Variants in PHLDB2 observed in about 807,000 individuals in gnomAD.
PHLDB2 encodes pleckstrin homology-like domain family B member 2.
Under a neutral mutation model 123.6 loss-of-function variants are expected in PHLDB2, and 71 were observed. The observed-to-expected ratio is 0.57, with a 90% confidence interval of 0.47 to 0.70. The LOEUF is 0.70. Ranked by LOEUF, PHLDB2 falls within the 30% of genes least tolerant of loss-of-function variation. The pLI is 0.00. For synonymous variants in PHLDB2, 547 were observed against 541.6 expected (o/e 1.01, Z -0.14); for missense variants, 1,446 against 1,519.5 (o/e 0.95, Z 0.80).
Position 111,959,434 on chromosome 3 carries a change from A to G in PHLDB2, c.2873-2674A>G, listed in dbSNP as rs1405814978. On this transcript the variant is annotated intron_variant, in intron 12 of 17. Transcript: ENST00000431670. ...TTTGGATTCATGGGAAATAAAAATC[A>G]TGGGTTGGGAAAAAGATGCTTATTA... is the stretch of plus-strand genomic sequence containing the variant. Among the ~76,000 whole-genome samples, 3 of 152,236 alleles carry G rather than the reference A, an allele frequency of 2.0e-5. No homozygotes were observed. The East Asian group carries it at 5.8e-4, about 29-fold the overall frequency.
rs3082325 is a variant in PHLDB2 at position 111,904,277 on chromosome 3, CA to C, written c.1336-9030del. Among the ~76,000 whole-genome samples the C allele has an allele frequency of 7.4e-4, 64 of 86,710 alleles. 2 individuals carry two copies. The highest frequency in any genetic ancestry group is 3.1e-3 in the Admixed American group (21 of 6,850). The allele number at this position is 86,710 out of a possible 152,430, so 56.9% of individuals were successfully genotyped here. A position where few individuals can be genotyped will look rare whatever the true frequency, so the allele number is the denominator to read the frequency against. Reference sequence around the variant, plus strand: ...TGGGTGACAGAGTGAGACCCTGTCTCAAAAAAAAAAAAGGCCAAGGGTTCTG... The same window carrying C: ...TGGGTGACAGAGTGAGACCCTGTCTCAAAAAAAAAAAGGCCAAGGGTTCTG... On this transcript the variant is annotated intron_variant, in intron 2 of 17. Transcript: ENST00000431670.
In PHLDB2 at chr3:111,913,481, A is replaced by G. The variant is rs2068002829; in HGVS notation, c.1498A>G (p.Met500Val). Residue 500 changes from methionine to valine, a missense_variant, in exon 3 of 18, where the codon ATG becomes GTG. Met to Val is a conservative substitution (Grantham distance 21). Coordinates refer to ENST00000431670, the MANE Select transcript of PHLDB2 (RefSeq NM_001134438.2). Reference sequence around the variant, plus strand: ...GGAGTCTGTGTTTGAGGAAGCCCTCATGAGCCCTGACACAAGATACAGGTG... The same window carrying G: ...GGAGTCTGTGTTTGAGGAAGCCCTCGTGAGCCCTGACACAAGATACAGGTG... ...DEESVFEEAL[M>V]SPDTRYRCHR... 1.9e-6 allele frequency: 3 copies of G among 1,614,028 alleles called. No individual in the cohort carries two copies. The highest frequency in any genetic ancestry group is 8.5e-7 in the Non-Finnish European group (1 of 1,180,030).
chr3:111,795,817 C>T (rs1012713102), intron 1 of PHLDB2, among the ~76,000 whole-genome samples: 8 of 151,982 alleles, frequency 5.3e-5, no homozygotes, highest in Middle Eastern at 3.2e-3. Context: ...CTCCGCTTCC[C>T]GGGATCAAGC....
At chr3:111,831,553 T>C (rs934093124) in intron 1 of PHLDB2, among the ~76,000 whole-genome samples, 5 of 152,274 alleles carry the variant, frequency 3.3e-5, no homozygotes, top group South Asian at 2.1e-4. Flanking sequence ...ACCACTATAA[T>C]ACCCCATGTG....
intron 1 of PHLDB2, among the ~76,000 whole-genome samples, chr3:111,802,022 C>A (rs752394444): frequency 6.6e-6 from 1 of 152,210 alleles, no homozygotes; most frequent in Non-Finnish European, 1.5e-5. Flanking sequence ...TATATGAATT[C>A]TATCTCAATT....
chr3:111,867,091 G>C (rs985863509), intron 1 of PHLDB2, among the ~76,000 whole-genome samples: 1 of 152,052 alleles, frequency 6.6e-6, no homozygotes, highest in African/African-American at 2.4e-5. Context: ...ACGTTATCTT[G>C]CAAATATCTT....
At chr3:111,867,878 AT>A (rs2065159058) in intron 1 of PHLDB2, among the ~76,000 whole-genome samples, 2 of 150,116 alleles carry the variant, frequency 1.3e-5, no homozygotes, top group African/African-American at 4.9e-5. Flanking sequence ...ATTTTTGTAT[AT>A]TTTGTAGAGA....
intron 5 of PHLDB2, among the ~76,000 whole-genome samples, chr3:111,926,960 C>T (rs936260238): frequency 6.6e-6 from 1 of 152,106 alleles, no homozygotes; most frequent in Non-Finnish European, 1.5e-5. Flanking sequence ...ATCCAAAATA[C>T]TTCCTGACTT....
At chr3:111,807,952 T>TG (rs61155652) in intron 1 of PHLDB2, among the ~76,000 whole-genome samples, 76,607 of 140,476 alleles carry the variant, frequency 0.55, 20,333 homozygotes, top group Middle Eastern at 0.76. Flanking sequence ...GGGTGTTTTT[T>TG]TTTTTTTTTT....
intron 13 of PHLDB2, among the ~76,000 whole-genome samples, chr3:111,966,235 A>G (rs2071743709): frequency 6.6e-6 from 1 of 152,182 alleles, no homozygotes; most frequent in South Asian, 2.1e-4. Context: ...AACTAATGGG[A>G]AGGACTCTCA....
chr3:111,834,246 T>TTATATATAAAATTCTATTATATATATAA (rs2063280903), intron 1 of PHLDB2, among the ~76,000 whole-genome samples: 1 of 89,886 alleles, frequency 1.1e-5, no homozygotes, highest in Admixed American at 1.4e-4. Flanking sequence ...TATAATAGAA[T>TTATATATAAAATTCTATTATATATATAA]TATATATATA....
chr3:111,908,628 G>A (rs758659273), intron 2 of PHLDB2, among the ~76,000 whole-genome samples: 26 of 152,212 alleles, frequency 1.7e-4, no homozygotes, highest in Non-Finnish European at 2.8e-4. Context: ...TTCATTGGCC[G>A]GTACAAGTCT....
chr3:111,821,174 C>T (rs1438810475), intron 1 of PHLDB2, among the ~76,000 whole-genome samples: 3 of 152,176 alleles, frequency 2.0e-5, no homozygotes, highest in African/African-American at 7.2e-5. Flanking sequence ...CAAGATGAAA[C>T]CCAAAGAAAT....
At position 111,945,251 on chromosome 3, in the gene PHLDB2, G is replaced by T. The variant is rs752256023; in HGVS notation, c.2398-17G>T. 192 of 1,565,724 alleles carry T rather than the reference G, an allele frequency of 1.2e-4. 1 individual carries two copies. The South Asian group carries it at 2.1e-3, about 17-fold the overall frequency. ...GAAGGTTGACTTTTAAGTTTAATAG[G>T]TTTTGTATTCCTTCAGGAAAAGGAG... On this transcript the variant is annotated splice_polypyrimidine_tract_variant and intron_variant, in intron 8 of 17. Coordinates refer to ENST00000431670, the MANE Select transcript of PHLDB2 (RefSeq NM_001134438.2).
rs1330279191 is a variant in PHLDB2, at chr3:111,745,833, GGAAAA to G, written c.-49+13141_-49+13145del. 3.3e-4 allele frequency among the ~76,000 whole-genome samples: 50 copies of G among 152,046 alleles called. No homozygotes were observed. In the East Asian group the frequency reaches 6.8e-3, roughly 21 times the overall value. ...AGAAGAAAGAAAAGAGAAGAGAAGA[GGAAAA>G]GAAAAGAAAATTTGCCCCAGGCCAC... On this transcript the variant is annotated intron_variant, in intron 1 of 17. Transcript: ENST00000393923.
chr3:111,872,007 ATG>A (rs1392898931), intron 1 of PHLDB2, among the ~76,000 whole-genome samples: 1 of 152,188 alleles, frequency 6.6e-6, no homozygotes, highest in Non-Finnish European at 1.5e-5. Context: ...TAATGAGGTG[ATG>A]TAGTAGGTTT....
intron 6 of PHLDB2, among the ~76,000 whole-genome samples, chr3:111,935,536 T>TAGATAGAC (rs2069429742): frequency 6.9e-6 from 1 of 145,466 alleles, no homozygotes; most frequent in Non-Finnish European, 1.6e-5. Flanking sequence ...GATAGATAGA[T>TAGATAGAC]AGATAGAAGG....
chr3:111,860,794 A>G (rs1179058316), intron 1 of PHLDB2, among the ~76,000 whole-genome samples: 4 of 152,192 alleles, frequency 2.6e-5, no homozygotes, highest in Non-Finnish European at 1.5e-5. Flanking sequence ...AAGTAGCTCT[A>G]AAGAGCTCTA....
intron 6 of PHLDB2, among the ~76,000 whole-genome samples, chr3:111,937,929 A>G (rs1008497516): frequency 8.5e-5 from 13 of 152,234 alleles, no homozygotes; most frequent in Non-Finnish European, 1.5e-5. Flanking sequence ...CAATCTCTGC[A>G]TGAATGCAGA....
Sources: allele counts gnomAD v4.1 joint callset (sites outside exome capture counted in the v4.1 genomes callset), GRCh38; gene constraint gnomAD v4.1.1; transcripts MANE v1.5; gene names NCBI Gene and HGNC (gene_info 2026-07-23, HGNC 2026-07-21).